LRP2: variants seen among roughly 807,000 people sequenced by gnomAD.
LRP2 encodes the protein LDL receptor related protein 2, also known as low-density lipoprotein receptor-related protein 2.
A neutral mutation model predicts 531.0 loss-of-function variants in LRP2; 172 were observed. The ratio of observed to expected loss-of-function variants is 0.32; its 90% CI spans 0.29 to 0.37. The LOEUF (loss-of-function observed/expected upper bound fraction) is 0.37, where lower values mean the gene tolerates loss of function less well. Ranked by LOEUF, LRP2 falls within the 10% of genes least tolerant of loss-of-function variation. LRP2 has a pLI of 1.00. For missense variants in LRP2, 5,167 were observed against 5,868.3 expected (o/e 0.88, Z 3.90); for synonymous variants, 1,992 against 2,027.6 (o/e 0.98, Z 0.47).
chr2:169,231,965 C>T, intron 30 of LRP2, 123 bp from the exon 31 acceptor site: 1 of 1,221,624 alleles, frequency 8.2e-7, no homozygotes. Flanking sequence ...TACGTTGTTA[C>T]CTCTGTTGTT....
chr2:169,334,121 G>GA (rs1396996426), intron 1 of LRP2, among the ~76,000 whole-genome samples: 2 of 151,880 alleles, frequency 1.3e-5, no homozygotes, highest in Non-Finnish European at 2.9e-5. Context: ...GAAATGGAAG[G>GA]AAAAAAAGCA....
chr2:169,284,831 C>T (rs113953461), intron 9 of LRP2, among the ~76,000 whole-genome samples: 10 of 152,240 alleles, frequency 6.6e-5, no homozygotes, highest in African/African-American at 2.4e-4. Flanking sequence ...CTCCCTCAAA[C>T]CCCCAGAATG....
Position 169,336,650 on chromosome 2 carries a change from A to G in LRP2, c.80-15766T>C, listed in dbSNP as rs562900576. The stretch of plus-strand genomic sequence containing the variant: ...AAACAGAGAGACCTTACCACCCTCC[A>G]AAGTATTCTCCACTGCACAGAGCAA... On this transcript the variant is annotated intron_variant, in intron 1 of 78. Coordinates refer to ENST00000649046, the MANE Select transcript of LRP2 (RefSeq NM_004525.3). Among the ~76,000 whole-genome samples, 5 of 152,244 alleles carry G rather than the reference A, an allele frequency of 3.3e-5. No homozygotes were observed. The South Asian group carries it at 1.0e-3, about 32-fold the overall frequency.
In LRP2 at chr2:169,297,221, T is replaced by C. The variant is rs1227181974; in HGVS notation, c.428-2511A>G. 3.9e-5 allele frequency among the ~76,000 whole-genome samples: 6 copies of C among 152,208 alleles called. No homozygotes were observed. In the East Asian group the frequency reaches 1.2e-3, roughly 29 times the overall value. ...CTACTACCATTGCTAAAGATGTTAA[T>C]GAGTTTCAATCTACTCCAGAAAACA... On this transcript the variant is annotated intron_variant, in intron 4 of 78. Transcript: ENST00000649046.
At chr2:169,138,455 G>A in intron 75 of LRP2, 122 bp downstream of exon 75, 2 of 1,058,866 alleles carry the variant, frequency 1.9e-6, no homozygotes, top group East Asian at 5.3e-5. Flanking sequence ...GTGTAGTGCA[G>A]ACCTTATTCT....
intron 50 of LRP2, among the ~76,000 whole-genome samples, chr2:169,184,285 A>G (rs1428278366): frequency 1.3e-5 from 2 of 152,230 alleles, no homozygotes; most frequent in African/African-American, 2.4e-5. Context: ...AGGAATTGAT[A>G]CATACAATAG....
chr2:169,320,893 A>G lies in LRP2; in HGVS notation c.80-9T>C, dbSNP rs1294348471. The G allele has an allele frequency of 6.3e-7, 1 of 1,593,226 alleles. No individual in the cohort carries two copies. Among genetic ancestry groups the G allele is most frequent in the South Asian group, 1.1e-5 (1 of 90,686 alleles). On this transcript the variant is annotated splice_polypyrimidine_tract_variant and intron_variant, in intron 1 of 78. Coordinates refer to ENST00000649046, the MANE Select transcript of LRP2 (RefSeq NM_004525.3). ...ATGCGCACTGTCACATTCTGCAATA[A>G]TAGACAGAAATTTTAAAAACTTATG...
chr2:169,203,629 T>C (rs776997780), intron 42 of LRP2, among the ~76,000 whole-genome samples: 27 of 152,102 alleles, frequency 1.8e-4, no homozygotes, highest in Non-Finnish European at 2.8e-4. Context: ...ACACGTCGTG[T>C]GCCTGTAGTC....
Position 169,151,401 on chromosome 2 carries a change from C to G in LRP2, c.12462-375G>C, listed in dbSNP as rs530444457. On this transcript the variant is annotated intron_variant, in intron 67 of 78. Transcript: ENST00000649046. ...GTCCCCAAGATAACTACCATAGACA[C>G]AGCAGTCAGACTGGCCTCTGACTGG... 3.9e-5 allele frequency among the ~76,000 whole-genome samples: 6 copies of G among 152,252 alleles called. No individual in the cohort carries two copies. In the South Asian group the frequency reaches 1.2e-3, roughly 32 times the overall value.
At chr2:169,128,854 T>C in intron 78 of LRP2, 24 bp from the exon 79 acceptor site, 1 of 1,613,742 alleles carries the variant, frequency 6.2e-7, no homozygotes, top group Non-Finnish European at 8.5e-7. Flanking sequence ...GTAACAGGAA[T>C]CAGCCATTTA....
intron 1 of LRP2, among the ~76,000 whole-genome samples, chr2:169,357,235 A>G (rs1270114358): frequency 7.4e-6 from 1 of 135,372 alleles, no homozygotes; most frequent in East Asian, 2.1e-4. Context: ...TCCATTCAAC[A>G]CTCTTTCATA....
chr2:169,305,794 A>C (rs961604514), intron 4 of LRP2, among the ~76,000 whole-genome samples: 1 of 152,222 alleles, frequency 6.6e-6, no homozygotes, highest in Admixed American at 6.5e-5. Flanking sequence ...TAAGATTATA[A>C]TACCATATTT....
At chr2:169,225,869 C>T (rs1405507914) in intron 32 of LRP2, among the ~76,000 whole-genome samples, 1 of 152,142 alleles carries the variant, frequency 6.6e-6, no homozygotes, top group Non-Finnish European at 1.5e-5. Flanking sequence ...TCCCTGAAGG[C>T]TGAAGAAAAT....
intron 33 of LRP2, among the ~76,000 whole-genome samples, chr2:169,221,142 A>G (rs1311643088): frequency 6.6e-6 from 1 of 152,222 alleles, no homozygotes; most frequent in Non-Finnish European, 1.5e-5. Flanking sequence ...TTTGAACTTT[A>G]TCAGTCAAAT....
intron 40 of LRP2, 129 bp from the exon 41 acceptor site, chr2:169,205,766 T>C (rs896049790): frequency 2.3e-5 from 23 of 1,006,940 alleles, no homozygotes; most frequent in African/African-American, 6.4e-5. Flanking sequence ...CATTTCTACT[T>C]ACACAACTTG....
intron 6 of LRP2, 80 bp from the exon 7 acceptor site, chr2:169,292,449 C>T (rs886095077): frequency 2.2e-6 from 2 of 908,378 alleles, no homozygotes. Flanking sequence ...ACTGCCTAAG[C>T]AGTACTCCTA....
chr2:169,272,540 A>C (rs1002464106), intron 15 of LRP2, among the ~76,000 whole-genome samples: 5 of 152,274 alleles, frequency 3.3e-5, no homozygotes, highest in African/African-American at 1.2e-4. Flanking sequence ...ACTTCCCATC[A>C]AAGTTAAGGC....
At chr2:169,271,626 C>T in intron 15 of LRP2, 2 of 79,752 alleles carry the variant, frequency 2.5e-5, no homozygotes, top group Non-Finnish European at 3.3e-5. Flanking sequence ...CACACACACA[C>T]ACACACACAC....
At chr2:169,154,379 A>C (rs1436109159) in intron 66 of LRP2, 81 bp downstream of exon 66, 2 of 1,332,018 alleles carry the variant, frequency 1.5e-6, no homozygotes, top group Non-Finnish European at 2.2e-6. Context: ...CTCATTAAAC[A>C]ATAAATTCCT....
Sources: allele counts gnomAD v4.1 joint callset (sites outside exome capture counted in the v4.1 genomes callset), GRCh38; gene constraint gnomAD v4.1.1; transcripts MANE v1.5; gene names NCBI Gene and HGNC (gene_info 2026-07-23, HGNC 2026-07-21).